STX1A: variants seen among roughly 807,000 people sequenced by gnomAD.
The protein encoded by STX1A is syntaxin 1A.
A neutral mutation model predicts 37.8 loss-of-function variants in STX1A; 4 were observed. That is an observed-to-expected ratio of 0.11 (90% CI 0.05 to 0.24). The LOEUF is 0.24. STX1A is among the 10% of genes least tolerant of loss of function. STX1A has a pLI of 1.00. For synonymous variants in STX1A, 135 were observed against 147.4 expected (o/e 0.92, Z 0.61); for missense variants, 251 against 399.9 (o/e 0.63, Z 3.18).
rs1032206768 is a variant in STX1A at position 73,701,146 on chromosome 7, C to T, written c.679-306G>A. On this transcript the variant is annotated intron_variant, in intron 8 of 9. Coordinates refer to ENST00000222812, the MANE Select transcript of STX1A (RefSeq NM_004603.4). ...CTGTCAGAGATGTGGCAGTGCCAGG[C>T]AGAGGAAGGTGGGAGCAGGAGTGGG... 3.5e-5 allele frequency: 21 copies of T among 593,946 alleles called. No individual in the cohort carries two copies. The South Asian group carries it at 4.4e-4, about 13-fold the overall frequency. The allele number at this position is 593,946 out of a possible 1,614,324, so 36.8% of individuals were successfully genotyped here.
chr7:73,716,546 C>A (rs1799295474), intron 1 of STX1A: 1 of 152,580 alleles, frequency 6.6e-6, no homozygotes, highest in Non-Finnish European at 1.5e-5. Context: ...TCCAATCTCT[C>A]TGCCTTCACT....
At position 73,702,861 on chromosome 7, in the gene STX1A, A is replaced by G. The variant is rs370963256; in HGVS notation, c.662T>C (p.Met221Thr). The G allele has an allele frequency of 6.1e-5, 99 of 1,613,806 alleles. No individual in the cohort carries two copies. The highest frequency in any genetic ancestry group is 8.1e-5 in the Non-Finnish European group (95 of 1,180,008). Reference protein sequence around the residue: ...ELHDMFMDMAMLVESQGEMID... With the variant: ...ELHDMFMDMATLVESQGEMID... ...GGCACTCACCTGGCTCTCCACGAGC[A>G]TGGCCATGTCCATGAACATGTCGTG... is the stretch of plus-strand genomic sequence containing the variant. The change falls in exon 8 of 10, where the codon ATG becomes ACG. Residue 221 changes from methionine (M) to threonine (T), a missense_variant. Physicochemically the swap from Met to Thr is moderately conservative, Grantham distance 81 (BLOSUM62 -1). Around this residue, in one of 2 missense-constraint regions of STX1A, gnomAD observed 214 missense variants for 367.6 expected, o/e 0.58. Transcript: ENST00000222812. The surrounding 1 kb of genome is among the most constrained non-coding windows in gnomAD (Gnocchi z 4.7).
intron 1 of STX1A, 105 bp downstream of exon 1, chr7:73,719,497 C>A: frequency 9.2e-7 from 1 of 1,085,272 alleles, no homozygotes; most frequent in Non-Finnish European, 1.2e-6. Context: ...TGGCTGGGGG[C>A]GCAGGAGCGG....
chr7:73,708,359 G>C (rs1798960938), intron 3 of STX1A, among the ~76,000 whole-genome samples: 1 of 152,162 alleles, frequency 6.6e-6, no homozygotes, highest in South Asian at 2.1e-4. Flanking sequence ...GTCTTTCATG[G>C]AGACCTGGTC....
chr7:73,701,057 G>A (rs1798634829), intron 8 of STX1A: 1 of 859,442 alleles, frequency 1.2e-6, no homozygotes, highest in East Asian at 2.7e-5. Flanking sequence ...CCGCAGAGCA[G>A]CAATCCTGGG....
chr7:73,702,687 G>A lies in STX1A; in HGVS notation c.678+158C>T, dbSNP rs1427617899. On this transcript the variant is annotated intron_variant, in intron 8 of 9. Coordinates refer to ENST00000222812, the MANE Select transcript of STX1A (RefSeq NM_004603.4). The surrounding 1 kb of genome is among the most constrained non-coding windows in gnomAD (Gnocchi z 4.7). ...TGCAGAGGACAGGGACCTTCGGGTC[G>A]GCAGGGCCCTGGCGGCAGTTTCAAC... is the stretch of plus-strand genomic sequence containing the variant. 7 of 1,494,544 alleles carry A rather than the reference G, an allele frequency of 4.7e-6. No individual in the cohort carries two copies. In the East Asian group the frequency reaches 7.3e-5, roughly 16 times the overall value. The allele number at this position is 1,494,544 out of a possible 1,614,324, so 92.6% of individuals were successfully genotyped here.
rs893742849 is a variant in STX1A, at chr7:73,717,525, C to A, written c.30+2077G>T. 9.9e-5 allele frequency among the ~76,000 whole-genome samples: 15 copies of A among 152,144 alleles called. No individual in the cohort carries two copies. Among genetic ancestry groups the A allele is most frequent in the Non-Finnish European group, 2.9e-5 (2 of 68,002 alleles). ...AACCCTAGGTCCAGAGGGAAAGCAG[C>A]CTGTGGGAACAGTGGCCCCACCAAG... On this transcript the variant is annotated intron_variant, in intron 1 of 9. Coordinates refer to ENST00000222812, the MANE Select transcript of STX1A (RefSeq NM_004603.4). The surrounding 1 kb of genome is among the most constrained non-coding windows in gnomAD (Gnocchi z 4.1).
Position 73,702,170 on chromosome 7 carries a change from C to T in STX1A, c.678+675G>A, listed in dbSNP as rs1053690630. Among the ~76,000 whole-genome samples, 2 of 152,210 alleles carry T rather than the reference C, an allele frequency of 1.3e-5. No homozygotes were observed. The highest frequency in any genetic ancestry group is 2.4e-5 in the African/African-American group (1 of 41,460). Reference sequence around the variant, plus strand: ...CATCTCCGCTGCGAAGTCTTCACAGCTGGCTCCTTTTCCCCCTTTTTTGGC... The same window carrying T: ...CATCTCCGCTGCGAAGTCTTCACAGTTGGCTCCTTTTCCCCCTTTTTTGGC... On this transcript the variant is annotated intron_variant, in intron 8 of 9. Transcript: ENST00000222812. The surrounding 1 kb of genome is among the most constrained non-coding windows in gnomAD (Gnocchi z 4.7).
chr7:73,702,073 C>T lies in STX1A; in HGVS notation c.678+772G>A, dbSNP rs368078617. ...CCTTGTGCCCCAGCAGCAAGGACCT[C>T]CTTTTTCTGTTCCTGAAATAAGTCT... On this transcript the variant is annotated intron_variant, in intron 8 of 9. Coordinates refer to ENST00000222812, the MANE Select transcript of STX1A (RefSeq NM_004603.4). The surrounding 1 kb of genome is among the most constrained non-coding windows in gnomAD (Gnocchi z 4.7). Among the ~76,000 whole-genome samples the T allele has an allele frequency of 6.6e-6, 1 of 152,322 alleles. No individual in the cohort carries two copies. The highest frequency in any genetic ancestry group is 6.5e-5 in the Admixed American group (1 of 15,286).
Position 73,704,141 on chromosome 7 carries a change from A to T in STX1A, c.466+7T>A. On this transcript the variant is annotated splice_region_variant and intron_variant, in intron 6 of 9. Coordinates refer to ENST00000222812, the MANE Select transcript of STX1A (RefSeq NM_004603.4). ...AGGCCCCGCCCCAGGCCCCACCCCC[A>T]GCTCACTGATCTCCAGCTGCCTCTG... 1 of 869,960 alleles carries T rather than the reference A, an allele frequency of 1.1e-6. No homozygotes were observed. The highest frequency in any genetic ancestry group is 1.4e-5 in the South Asian group (1 of 72,558). The allele number at this position is 869,960 out of a possible 1,614,324, so 53.9% of individuals were successfully genotyped here.
In STX1A at chr7:73,700,930, G is replaced by A; in HGVS notation, c.679-90C>T. The A allele has an allele frequency of 6.3e-7, 1 of 1,576,120 alleles. No homozygotes were observed. ...GCAGGACTTCAGGAAAGCACCCTGA[G>A]GCTAGAGACAAAAAGGGGGCGTGAG... On this transcript the variant is annotated intron_variant, in intron 8 of 9. Coordinates refer to ENST00000222812, the MANE Select transcript of STX1A (RefSeq NM_004603.4). This position sits in a 1 kb window ranked among gnomAD's most constrained non-coding sequence, Gnocchi z 4.4.
intron 1 of STX1A, among the ~76,000 whole-genome samples, chr7:73,716,988 C>A (rs1554618782): frequency 6.6e-6 from 1 of 152,128 alleles, no homozygotes; most frequent in Admixed American, 6.5e-5. Context: ...AGCATTGAGG[C>A]CCCCTGGCTA....
chr7:73,716,917 C>G (rs377096412), intron 1 of STX1A, among the ~76,000 whole-genome samples: 1 of 152,124 alleles, frequency 6.6e-6, no homozygotes, highest in Non-Finnish European at 1.5e-5. Context: ...GCCCTGTCTT[C>G]GGTCTCTCTT....
At chr7:73,714,353 C>A (rs375546203) in intron 1 of STX1A, among the ~76,000 whole-genome samples, 2 of 152,088 alleles carry the variant, frequency 1.3e-5, no homozygotes, top group East Asian at 3.9e-4. Flanking sequence ...GGTGATCCAC[C>A]CGCCTCGGTC....
At chr7:73,703,497 AGAG>A (rs1201309354) in intron 7 of STX1A, 2 of 680,226 alleles carry the variant, frequency 2.9e-6, no homozygotes, top group Non-Finnish European at 5.4e-6. Flanking sequence ...CCCACGGATA[AGAG>A]GAGGAGCCGC....
intron 6 of STX1A, 85 bp from the exon 7 acceptor site, chr7:73,703,913 C>T (rs1157280219): frequency 2.1e-6 from 3 of 1,452,008 alleles, no homozygotes; most frequent in East Asian, 4.8e-5. Context: ...CCGTCCCAGG[C>T]CCGGGCTCCC....
rs781878210 is a variant in STX1A at position 73,700,413 on chromosome 7, G to A, written c.861C>T (p.Phe287=). The A allele has an allele frequency of 1.2e-5, 20 of 1,613,948 alleles. No individual in the cohort carries two copies. The highest frequency in any genetic ancestry group is 6.7e-5 in the African/African-American group (5 of 74,912). Reference sequence around the variant, plus strand: ...GTGGCAGTTTGGGTGGCTTCTAGGCGAAGATGCCCCCAACAGTGGAGGCGA... The same window carrying A: ...GTGGCAGTTTGGGTGGCTTCTAGGCAAAGATGCCCCCAACAGTGGAGGCGA... The part of the protein sequence containing the change: ...IVIASTVGGI[F]A The change falls in exon 10 of 10, where the codon TTC becomes TTT. Residue 287 remains phenylalanine, a synonymous_variant. Coordinates refer to ENST00000222812, the MANE Select transcript of STX1A (RefSeq NM_004603.4). The surrounding 1 kb of genome is among the most constrained non-coding windows in gnomAD (Gnocchi z 4.4).
chr7:73,700,231 T>C lies in STX1A; in HGVS notation c.*176A>G. 1.5e-6 allele frequency: 1 copy of C among 646,166 alleles called. No individual in the cohort carries two copies. Among genetic ancestry groups the C allele is most frequent in the East Asian group, 2.7e-5 (1 of 36,564 alleles). 40.0% of individuals were successfully genotyped at this position (646,166 alleles called of 1,614,324 possible). On this transcript the variant is annotated 3_prime_UTR_variant, in exon 10 of 10. Transcript: ENST00000222812. This position sits in a 1 kb window ranked among gnomAD's most constrained non-coding sequence, Gnocchi z 4.4. ...TACAGACGCACACTCACAGAGATCA[T>C]GCACACGACACGGGGCGGGGACGGA...
intron 7 of STX1A, 191 bp downstream of exon 7, chr7:73,703,564 G>C: frequency 1.3e-6 from 1 of 758,528 alleles, no homozygotes; most frequent in Non-Finnish European, 2.3e-6. Context: ...CAGGGGTCTT[G>C]AGTCCACCTT....
Sources: allele counts gnomAD v4.1 joint callset (sites outside exome capture counted in the v4.1 genomes callset), GRCh38; gene constraint gnomAD v4.1.1; regional missense constraint gnomAD v4.1.1; non-coding constraint Gnocchi (gnomAD v3.1); transcripts MANE v1.5; gene names NCBI Gene and HGNC (gene_info 2026-07-23, HGNC 2026-07-21).